Variants in SBSPON observed in about 807,000 individuals in gnomAD.
SBSPON encodes somatomedin B and thrombospondin type 1 domain containing, also known as somatomedin-B and thrombospondin type-1 domain-containing protein.
In SBSPON, 30 loss-of-function variants were observed where a neutral mutation model predicts 35.8. The observed-to-expected ratio is 0.84, with a 90% CI of 0.63 to 1.14. SBSPON has a LOEUF of 1.14. Ranked by LOEUF, SBSPON falls within the 50% of genes most tolerant of loss-of-function variation. SBSPON has a pLI of 0.00. For synonymous variants in SBSPON, 136 were observed against 135.9 expected, an observed-to-expected ratio of 1.00 and a Z score of 0.00; for missense variants, 364 against 357.7, an observed-to-expected ratio of 1.02 and a Z score of -0.14.
intron 1 of SBSPON, 80 bp downstream of exon 1, chr8:73,092,774 G>C: frequency 1.8e-6 from 2 of 1,118,070 alleles, no homozygotes. Flanking sequence ...AGGGACTGAG[G>C]TCCTTGGCAC....
chr8:73,080,488 C>A (rs907610098), intron 2 of SBSPON, among the ~76,000 whole-genome samples: 1 of 152,112 alleles, frequency 6.6e-6, no homozygotes, highest in East Asian at 1.9e-4. Flanking sequence ...GCCCTCCAGC[C>A]TGGGTGACAG....
rs371826794 is a variant in SBSPON, at chr8:73,081,115, G to A, written c.313C>T (p.Pro105Ser). 1.7e-5 allele frequency: 27 copies of A among 1,613,294 alleles called. No individual in the cohort carries two copies. Among genetic ancestry groups the A allele is most frequent in the Admixed American group, 1.5e-4 (9 of 59,918 alleles). Residue 105 changes from proline to serine, a missense_variant, in exon 2 of 5, where the codon CCT (proline) becomes TCT (serine). By Grantham distance (74) the Pro-to-Ser change is moderately conservative (BLOSUM62 -1). Transcript: ENST00000297354. ...GGGCAGGGCGCCCCGCCGTTCTGAG[G>A]CTCCTGCTGCACCGAGCGCCTCCGC... ...RVRRRSVQQE[P>S]QNGGAPCPPL... is the part of the protein sequence containing the mutation.
intron 1 of SBSPON, among the ~76,000 whole-genome samples, 188 bp downstream of exon 1, chr8:73,092,666 C>G (rs73687094): frequency 0.016 from 2,436 of 152,172 alleles, 45 homozygotes; most frequent in African/African-American, 0.055. Context: ...CGATGTCTAG[C>G]AGGGGACTGG....
At chr8:73,071,979 G>A (rs1810501981) in intron 2 of SBSPON, 109 bp from the exon 3 acceptor site, 3 of 695,078 alleles carry the variant, frequency 4.3e-6, no homozygotes, top group Non-Finnish European at 5.3e-6. Context: ...AAACTCACAG[G>A]GCTACGGCAC....
At chr8:73,074,489 G>A (rs1036009512) in intron 2 of SBSPON, 7 of 500,244 alleles carry the variant, frequency 1.4e-5, no homozygotes, top group African/African-American at 1.3e-4. Flanking sequence ...TTATGGCACA[G>A]AGAGGTTAAG....
intron 1 of SBSPON, chr8:73,085,629 G>A (rs973987752): frequency 1.3e-5 from 2 of 150,310 alleles, no homozygotes; most frequent in African/African-American, 4.9e-5. Flanking sequence ...TTCGCAGCTC[G>A]AGGAGTTGTG....
chr8:73,091,994 G>A (rs1387123396), intron 1 of SBSPON, among the ~76,000 whole-genome samples: 2 of 151,678 alleles, frequency 1.3e-5, no homozygotes, highest in African/African-American at 4.9e-5. Flanking sequence ...GGAGCAGGGC[G>A]ACTTCCACTT....
chr8:73,084,515 C>A (rs530748660), intron 1 of SBSPON, among the ~76,000 whole-genome samples: 8 of 152,248 alleles, frequency 5.3e-5, no homozygotes, highest in Non-Finnish European at 2.9e-5. Context: ...ACCTGCACTT[C>A]CCCGCCCACC....
intron 2 of SBSPON, chr8:73,075,782 T>A: frequency 1.0e-6 from 1 of 957,192 alleles, no homozygotes; most frequent in Non-Finnish European, 1.2e-6. Context: ...AATTGACAAA[T>A]AATATCTACC....
rs1396773281 is a variant in SBSPON, at chr8:73,066,088, T to C, written c.*1253A>G. 6.6e-6 allele frequency: 1 copy of C among 152,200 alleles called. No homozygotes were observed. Among genetic ancestry groups the C allele is most frequent in the African/African-American group, 2.4e-5 (1 of 41,442 alleles). 9.4% of individuals were successfully genotyped at this position (152,200 alleles called of 1,614,324 possible). On this transcript the variant is annotated 3_prime_UTR_variant, in exon 5 of 5. Transcript: ENST00000297354. ...TGATAAGGACCAAGAAATACGTATT[T>C]TAGTAAATCATTTGTTAGTGAATAT...
chr8:73,084,767 C>G (rs555253123), intron 1 of SBSPON, among the ~76,000 whole-genome samples: 5 of 150,134 alleles, frequency 3.3e-5, no homozygotes, highest in Non-Finnish European at 7.4e-5. Flanking sequence ...CACACACACA[C>G]ACACACACAC....
At chr8:73,070,503 T>C (rs1810474645) in intron 3 of SBSPON, among the ~76,000 whole-genome samples, 1 of 152,188 alleles carries the variant, frequency 6.6e-6, no homozygotes, top group Non-Finnish European at 1.5e-5. Flanking sequence ...CTCACTTGTA[T>C]GGTCTGGAGT....
At chr8:73,070,614 G>A (rs1810477131) in intron 3 of SBSPON, among the ~76,000 whole-genome samples, 1 of 152,202 alleles carries the variant, frequency 6.6e-6, no homozygotes, top group Non-Finnish European at 1.5e-5. Flanking sequence ...TCTGACAGAA[G>A]TTAGTGTCAC....
chr8:73,086,051 G>C (rs1362318550), intron 1 of SBSPON, among the ~76,000 whole-genome samples: 1 of 152,096 alleles, frequency 6.6e-6, no homozygotes, highest in Admixed American at 6.5e-5. Context: ...TTTATGCATA[G>C]CTATTGTTTC....
Position 73,079,921 on chromosome 8 carries a change from A to G in SBSPON, c.409+1098T>C, listed in dbSNP as rs576653031. Among the ~76,000 whole-genome samples, 13 of 152,340 alleles carry G rather than the reference A, an allele frequency of 8.5e-5. No individual in the cohort carries two copies. The East Asian group carries it at 2.5e-3, about 29-fold the overall frequency. On this transcript the variant is annotated intron_variant, in intron 2 of 4. Transcript: ENST00000297354. ...TCAATAAATATTTGTGTGTGAAAAA[A>G]AAGAAGAAACAAAATGGCTTGACAA...
intron 2 of SBSPON, among the ~76,000 whole-genome samples, chr8:73,077,591 G>A (rs1018494142): frequency 2.0e-5 from 3 of 152,236 alleles, no homozygotes; most frequent in African/African-American, 7.2e-5. Context: ...CTAGCACAGT[G>A]CTGGCACACA....
chr8:73,080,954 G>C, intron 2 of SBSPON, 65 bp downstream of exon 2: 1 of 1,412,832 alleles, frequency 7.1e-7, no homozygotes. Flanking sequence ...ATGGCCTTTT[G>C]TAGGATGAAG....
chr8:73,076,175 C>T lies in SBSPON; in HGVS notation c.410-4305G>A, dbSNP rs140178060. Reference sequence around the variant, plus strand: ...GTTTTAGTTCCAGTAGTCCTTCACACGTGCTGTCACCTCTCAGAACTCCAG... The same window carrying T: ...GTTTTAGTTCCAGTAGTCCTTCACATGTGCTGTCACCTCTCAGAACTCCAG... On this transcript the variant is annotated intron_variant, in intron 2 of 4. Transcript: ENST00000297354. Among the ~76,000 whole-genome samples, 388 of 152,266 alleles carry T rather than the reference C, an allele frequency of 2.5e-3. 1 individual carries two copies. Among genetic ancestry groups the T allele is most frequent in the Admixed American group, 4.4e-3 (68 of 15,286 alleles).
chr8:73,090,867 T>A (rs1242762786), intron 1 of SBSPON, among the ~76,000 whole-genome samples: 1 of 152,212 alleles, frequency 6.6e-6, no homozygotes, highest in Non-Finnish European at 1.5e-5. Flanking sequence ...GCTTCCATAC[T>A]TACCCACTAA....
Sources: gnomAD v4.1 joint callset for allele counts (sites outside exome capture counted in the v4.1 genomes callset) on GRCh38, gnomAD v4.1.1 for gene constraint, MANE v1.5 for transcripts, NCBI Gene and HGNC (gene_info 2026-07-23, HGNC 2026-07-21) for gene names.